The following CPT1A variants were observed in gnomAD, a reference collection of about 807,000 sequenced individuals.
The protein encoded by CPT1A is carnitine palmitoyltransferase 1A, also known as carnitine O-palmitoyltransferase 1, liver isoform.
A neutral mutation model predicts 100.8 loss-of-function variants in CPT1A; 64 were observed. The observed-to-expected ratio is 0.63, with a 90% CI of 0.52 to 0.78. CPT1A has a LOEUF of 0.78. Among genes scored for constraint, CPT1A ranks in the 30% least tolerant of loss-of-function variants. The pLI is 0.00. For missense variants in CPT1A, 802 were observed against 1,034.1 expected, an observed-to-expected ratio of 0.78 and a Z score of 3.08; for synonymous variants, 363 against 396.0, an observed-to-expected ratio of 0.92 and a Z score of 0.99.
intron 1 of CPT1A, among the ~76,000 whole-genome samples, chr11:68,829,655 C>A (rs957652946): frequency 6.6e-6 from 1 of 152,212 alleles, no homozygotes. Context: ...ATCGCGGAGC[C>A]CTCGGACGGG....
At chr11:68,805,986 A>C (rs1209797096) in intron 4 of CPT1A, among the ~76,000 whole-genome samples, 1 of 150,738 alleles carries the variant, frequency 6.6e-6, no homozygotes, top group African/African-American at 2.4e-5. Flanking sequence ...CCCATCTTGG[A>C]GGGTTGATTT....
intron 16 of CPT1A, among the ~76,000 whole-genome samples, 196 bp from the exon 17 acceptor site, chr11:68,760,534 G>C (rs945372683): frequency 2.6e-4 from 40 of 152,254 alleles, no homozygotes; most frequent in African/African-American, 9.1e-4. Flanking sequence ...CCCCAGACTG[G>C]GGCAGGGAGT....
chr11:68,793,501 T>C (rs1355136262), intron 8 of CPT1A, 99 bp from the exon 9 acceptor site: 4 of 879,664 alleles, frequency 4.5e-6, no homozygotes. Flanking sequence ...ATCCCAACAC[T>C]TTGGGAGGCT....
At chr11:68,766,058 G>C (rs1272890230) in intron 14 of CPT1A, among the ~76,000 whole-genome samples, 1 of 151,974 alleles carries the variant, frequency 6.6e-6, no homozygotes, top group African/African-American at 2.4e-5. Context: ...TTTTAGTAGA[G>C]ACGCGTTTCC....
intron 5 of CPT1A, among the ~76,000 whole-genome samples, chr11:68,800,583 T>TGG (rs1855880530): frequency 6.6e-6 from 1 of 152,022 alleles, no homozygotes; most frequent in Non-Finnish European, 1.5e-5. Context: ...TGAGGATCAC[T>TGG]TGGGCCCAGG....
At chr11:68,762,816 C>T (rs1452728535) in intron 14 of CPT1A, 55 bp from the exon 15 acceptor site, 53 of 1,608,402 alleles carry the variant, frequency 3.3e-5, no homozygotes, top group East Asian at 4.5e-5. Flanking sequence ...ATGTCTAAAA[C>T]GTAAGGAAGG....
intron 9 of CPT1A, among the ~76,000 whole-genome samples, chr11:68,789,283 T>C (rs1428677860): frequency 6.6e-6 from 1 of 152,208 alleles, no homozygotes; most frequent in Non-Finnish European, 1.5e-5. Context: ...AATGGTCTAA[T>C]TAGTGAGGAT....
rs932053235 is a variant in CPT1A, at chr11:68,759,511, A to C, written c.2235+58T>G. 1.7e-5 allele frequency: 19 copies of C among 1,133,142 alleles called. No individual in the cohort carries two copies. The South Asian group carries it at 2.2e-4, about 13-fold the overall frequency. The allele number at this position is 1,133,142 out of a possible 1,614,324, so 70.2% of individuals were successfully genotyped here. A position where few individuals can be genotyped will look rare whatever the true frequency, so the allele number is the denominator to read the frequency against. ...GTCAAATTAAAGATGTGTTTCCTTAAAAAGAATAAAGCAAAAATACCCCAT... is the reference window on the plus strand; with the variant it reads ...GTCAAATTAAAGATGTGTTTCCTTACAAAGAATAAAGCAAAAATACCCCAT... On this transcript the variant is annotated intron_variant, in intron 18 of 18. Coordinates refer to ENST00000265641, the MANE Select transcript of CPT1A (RefSeq NM_001876.4).
chr11:68,813,555 A>G (rs1422995036), intron 2 of CPT1A, among the ~76,000 whole-genome samples: 1 of 142,662 alleles, frequency 7.0e-6, no homozygotes, highest in African/African-American at 2.6e-5. Context: ...AAAAAAAATT[A>G]GCCGGGCATT....
In CPT1A at chr11:68,796,775, GC is replaced by G. The variant is rs141474465; in HGVS notation, c.771+80del. ...CAGAGTTTTCCCAGGCCGTCCACAG[GC>G]CTGTGAAGACGCCACCTCTGTGGAC... On this transcript the variant is annotated intron_variant, in intron 7 of 18. Coordinates refer to ENST00000265641, the MANE Select transcript of CPT1A (RefSeq NM_001876.4). The G allele has an allele frequency of 5.9e-3, 8,078 of 1,368,248 alleles. 365 individuals carry two copies. In the African/African-American group the frequency reaches 0.1, roughly 17 times the overall value. 84.8% of individuals were successfully genotyped at this position (1,368,248 alleles called of 1,614,324 possible).
At chr11:68,798,826 C>A (rs568808035) in intron 6 of CPT1A, among the ~76,000 whole-genome samples, 3 of 152,188 alleles carry the variant, frequency 2.0e-5, no homozygotes, top group Admixed American at 6.5e-5. Context: ...CTCCTGCGTG[C>A]AAAACACAGC....
At position 68,811,460 on chromosome 11, in the gene CPT1A, T is replaced by G. The variant is rs7126202; in HGVS notation, c.281+977A>C. The stretch of plus-strand genomic sequence containing the variant: ...TCACGGCTGCACGAGGAAGCTGAGT[T>G]GCCCTGCGTTCCACTGTCTGGACGT... On this transcript the variant is annotated intron_variant, in intron 3 of 18. Coordinates refer to ENST00000265641, the MANE Select transcript of CPT1A (RefSeq NM_001876.4). 3.0e-4 allele frequency among the ~76,000 whole-genome samples: 46 copies of G among 152,124 alleles called. 1 individual carries two copies. In the East Asian group the frequency reaches 8.5e-3, roughly 28 times the overall value.
intron 9 of CPT1A, among the ~76,000 whole-genome samples, chr11:68,792,824 G>T (rs536375031): frequency 6.6e-6 from 1 of 152,182 alleles, no homozygotes; most frequent in African/African-American, 2.4e-5. Flanking sequence ...CGAAGCGGGC[G>T]GATCACTTGA....
intron 16 of CPT1A, among the ~76,000 whole-genome samples, chr11:68,760,781 C>T (rs543313344): frequency 2.6e-5 from 4 of 152,196 alleles, no homozygotes; most frequent in South Asian, 2.1e-4. Flanking sequence ...GGGAACCCGA[C>T]GCGGGTGGAT....
intron 10 of CPT1A, 109 bp downstream of exon 10, chr11:68,784,706 T>G (rs1855404885): frequency 9.4e-7 from 1 of 1,062,200 alleles, no homozygotes; most frequent in Admixed American, 2.0e-5. Flanking sequence ...AGAGCCGAGG[T>G]GGGGAGTCCC....
chr11:68,781,804 G>C lies in CPT1A; in HGVS notation c.1319C>G (p.Ala440Gly). 9 of 1,614,150 alleles carry C rather than the reference G, an allele frequency of 5.6e-6. No individual in the cohort carries two copies. The highest frequency in any genetic ancestry group is 5.9e-6 in the Non-Finnish European group (7 of 1,180,040). Residue 440 changes from alanine (A) to glycine (G), a missense_variant, in exon 11 of 19, where the codon GCC becomes GGC. Around this residue, in one of 4 missense-constraint regions of CPT1A, gnomAD observed 627 missense variants for 799.3 expected, o/e 0.78. Transcript: ENST00000265641. Reference sequence around the variant, plus strand: ...ACATCGGCCGTGTAGTAGAGATTTGGCGTAGCTGTCCATTGACGTATCCGG... The same window carrying C: ...ACATCGGCCGTGTAGTAGAGATTTGCCGTAGCTGTCCATTGACGTATCCGG... ...EDPDTSMDSY[A>G]KSLLHGRCYD...
chr11:68,832,719 T>C (rs967276484), intron 1 of CPT1A, among the ~76,000 whole-genome samples: 3 of 152,250 alleles, frequency 2.0e-5, no homozygotes, highest in African/African-American at 7.2e-5. Flanking sequence ...CATTGCACAG[T>C]GCCCATGCAC....
At chr11:68,821,006 T>TA (rs1856567766) in intron 1 of CPT1A, among the ~76,000 whole-genome samples, 2 of 152,168 alleles carry the variant, frequency 1.3e-5, no homozygotes, top group South Asian at 4.1e-4. Flanking sequence ...TGTATATATA[T>TA]TTTTTTGAGA....
intron 1 of CPT1A, among the ~76,000 whole-genome samples, chr11:68,826,261 C>T (rs921611313): frequency 6.6e-6 from 1 of 152,006 alleles, no homozygotes; most frequent in Admixed American, 6.6e-5. Context: ...GCCTGGCCAA[C>T]ATGGTGAAAC....
Sources: gnomAD v4.1 joint callset for allele counts (sites outside exome capture counted in the v4.1 genomes callset) on GRCh38, gnomAD v4.1.1 for gene constraint, gnomAD v4.1.1 regional missense constraint, MANE v1.5 for transcripts, NCBI Gene and HGNC (gene_info 2026-07-23, HGNC 2026-07-21) for gene names.